The following RNF38 variants were observed in gnomAD, a reference collection of about 807,000 sequenced individuals.
RNF38 encodes E3 ubiquitin-protein ligase RNF38.
In RNF38, 15 loss-of-function variants were observed where a neutral mutation model predicts 67.2. The observed-to-expected ratio is 0.22, with a 90% CI of 0.15 to 0.34. The LOEUF (loss-of-function observed/expected upper bound fraction) is 0.34. Ranked by LOEUF, RNF38 falls within the 10% of genes least tolerant of loss-of-function variation. The probability of loss-of-function intolerance (pLI) is 1.00; values close to 1 mark genes in which losing one functional copy is unlikely to be tolerated. For synonymous variants in RNF38, 220 were observed against 218.8 expected, an observed-to-expected ratio of 1.01 and a Z score of -0.05; for missense variants, 524 against 639.9, an observed-to-expected ratio of 0.82 and a Z score of 1.95.
At chr9:36,352,887 C>T (rs373450988) in intron 7 of RNF38, 39 bp from the exon 8 acceptor site, 44 of 1,378,966 alleles carry the variant, frequency 3.2e-5, no homozygotes, top group African/African-American at 7.1e-5. Context: ...AATCACTCTA[C>T]GTTTACAAAT....
chr9:36,402,052 C>T (rs779039176), upstream of RNF38, among the ~76,000 whole-genome samples: 8 of 152,304 alleles, frequency 5.3e-5, no homozygotes, highest in South Asian at 8.3e-4. Context: ...TCTCCCATAT[C>T]AGACTGAGCA....
chr9:36,386,905 C>T (rs534849525), intron 2 of RNF38, among the ~76,000 whole-genome samples: 4 of 152,318 alleles, frequency 2.6e-5, no homozygotes, highest in African/African-American at 4.8e-5. Flanking sequence ...CGGATTCAAG[C>T]GATTCTTGTG....
rs754481368 is a variant in RNF38, at chr9:36,431,510, C to T, written n.242-6827G>A. ...ACACATTATGTGGCACAAGACTGCA[C>T]TTTTGTTTACTGGTTTACTATAAAG... On this transcript the variant is annotated intron_variant and non_coding_transcript_variant, in intron 1 of 3. Coordinates refer to the RNF38 transcript ENST00000488058. Among the ~76,000 whole-genome samples, 3 of 152,220 alleles carry T rather than the reference C, an allele frequency of 2.0e-5. No homozygotes were observed. The East Asian group carries it at 5.8e-4, about 29-fold the overall frequency.
chr9:36,449,428 C>T (rs1420286707), intron 1 of RNF38, among the ~76,000 whole-genome samples: 2 of 151,930 alleles, frequency 1.3e-5, no homozygotes, highest in Non-Finnish European at 2.9e-5. Context: ...GAGACCCTAT[C>T]TCTCTCTTTT....
intron 2 of RNF38, among the ~76,000 whole-genome samples, chr9:36,410,888 G>A (rs1210167701): frequency 1.3e-5 from 2 of 152,134 alleles, no homozygotes; most frequent in Admixed American, 6.5e-5. Flanking sequence ...GAGGCAATGA[G>A]GAGTTATTGT....
chr9:36,362,919 A>ACTGTGCCCTGC (rs1834675344), intron 4 of RNF38, among the ~76,000 whole-genome samples: 9 of 102,398 alleles, frequency 8.8e-5, no homozygotes, highest in African/African-American at 2.3e-4. Flanking sequence ...AGCGTGAGGC[A>ACTGTGCCCTGC]CCACACCCGG....
chr9:36,339,785 A>C lies in RNF38; in HGVS notation c.1515T>G (p.Ala505=), dbSNP rs1446124906. ...AATCCCGATGCACTTCTGAAGCATC[A>C]GCTCGGCAAATTGGGCAAGTACGAT... The part of the protein sequence containing the change: ...KANRTCPICR[A]DASEVHRDSE Residue 505 remains alanine (A), a synonymous_variant, in exon 12 of 12, where the codon GCT becomes GCG. Coordinates refer to ENST00000259605, the MANE Select transcript of RNF38 (RefSeq NM_022781.5). 1.2e-6 allele frequency: 2 copies of C among 1,613,504 alleles called. No individual in the cohort carries two copies. Among genetic ancestry groups the C allele is most frequent in the Non-Finnish European group, 1.7e-6 (2 of 1,179,648 alleles).
intron 3 of RNF38, chr9:36,372,734 A>C: frequency 2.2e-6 from 1 of 461,272 alleles, no homozygotes; most frequent in Non-Finnish European, 3.8e-6. Flanking sequence ...GATGCTTTTC[A>C]AAGAACTCAA....
intron 2 of RNF38, among the ~76,000 whole-genome samples, chr9:36,422,781 T>TC (rs1290121902): frequency 2.0e-5 from 3 of 151,972 alleles, no homozygotes; most frequent in East Asian, 3.8e-4. Context: ...TTCCCTTTTT[T>TC]CCCCCATATT....
chr9:36,387,627 AG>A (rs1836747065), intron 2 of RNF38, among the ~76,000 whole-genome samples: 1 of 152,236 alleles, frequency 6.6e-6, no homozygotes, highest in Non-Finnish European at 1.5e-5. Context: ...ATGCTAAAAA[AG>A]TAAATTTTAT....
chr9:36,353,158 G>A lies in RNF38; in HGVS notation c.1071+12C>T. 1.2e-6 allele frequency: 2 copies of A among 1,610,744 alleles called. No homozygotes were observed. Among genetic ancestry groups the A allele is most frequent in the Non-Finnish European group, 1.7e-6 (2 of 1,177,114 alleles). ...AAGCAAGTAATTAACATAGTACTCT[G>A]TGAAAACTTACTACTCCAAAGGACA... is the stretch of plus-strand genomic sequence containing the variant. On this transcript the variant is annotated intron_variant, in intron 7 of 11. Transcript: ENST00000259605.
chr9:36,386,100 G>A (rs1836611906), intron 2 of RNF38, among the ~76,000 whole-genome samples: 1 of 152,178 alleles, frequency 6.6e-6, no homozygotes, highest in African/African-American at 2.4e-5. Context: ...CCCATTTTGA[G>A]TAATAAAGAT....
intron 1 of RNF38, among the ~76,000 whole-genome samples, chr9:36,431,992 G>A (rs1007080980): frequency 6.6e-6 from 1 of 152,116 alleles, no homozygotes; most frequent in African/African-American, 2.4e-5. Context: ...TAGGACCTCT[G>A]TGCCAGGAAT....
At chr9:36,347,514 A>G (rs1563997103) in intron 9 of RNF38, among the ~76,000 whole-genome samples, 1 of 152,226 alleles carries the variant, frequency 6.6e-6, no homozygotes, top group Non-Finnish European at 1.5e-5. Flanking sequence ...CATATCTGCT[A>G]TAATGATCTC....
intron 1 of RNF38, among the ~76,000 whole-genome samples, chr9:36,459,687 T>C (rs1237848218): frequency 3.3e-5 from 5 of 152,184 alleles, no homozygotes; most frequent in African/African-American, 1.2e-4. Flanking sequence ...GTATAGTGCT[T>C]ACAAAGAAAT....
intron 8 of RNF38, among the ~76,000 whole-genome samples, 174 bp from the exon 9 acceptor site, chr9:36,351,373 G>A (rs1833677748): frequency 6.6e-6 from 1 of 152,166 alleles, no homozygotes; most frequent in African/African-American, 2.4e-5. Context: ...AGATTGCTAG[G>A]ATAACTTAAA....
intron 1 of RNF38, among the ~76,000 whole-genome samples, chr9:36,394,818 G>A (rs1837400049): frequency 1.3e-5 from 2 of 151,902 alleles, no homozygotes; most frequent in African/African-American, 2.4e-5. Context: ...TATTCCACCA[G>A]GCCTATTTAA....
At chr9:36,484,826 GTTTA>G (rs1416716923) in intron 1 of RNF38, among the ~76,000 whole-genome samples, 1 of 152,158 alleles carries the variant, frequency 6.6e-6, no homozygotes, top group Non-Finnish European at 1.5e-5. Context: ...AGTGAGGCTA[GTTTA>G]TTTTTCACAG....
intron 1 of RNF38, among the ~76,000 whole-genome samples, chr9:36,425,167 C>T (rs970934245): frequency 4.6e-5 from 7 of 152,102 alleles, no homozygotes; most frequent in Non-Finnish European, 2.9e-5. Context: ...ACCAAATATA[C>T]CCATTTGTAA....
Sources: allele counts gnomAD v4.1 joint callset (sites outside exome capture counted in the v4.1 genomes callset), GRCh38; gene constraint gnomAD v4.1.1; transcripts MANE v1.5; gene names NCBI Gene and HGNC (gene_info 2026-07-23, HGNC 2026-07-21).